The following HSF5 variants were observed in gnomAD, a reference collection of about 807,000 sequenced individuals.
The protein encoded by HSF5 is heat shock transcription factor 5.
Under a neutral mutation model 50.8 loss-of-function variants are expected in HSF5, and 5 were observed. That is an observed-to-expected ratio of 0.10 (90% confidence interval 0.05 to 0.21). HSF5 has a LOEUF of 0.21. HSF5 is among the 10% of genes least tolerant of loss of function. HSF5 has a pLI of 1.00. For missense variants in HSF5, 564 were observed against 762.6 expected (o/e 0.74, Z 3.07); for synonymous variants, 307 against 307.4 (o/e 1.00, Z 0.02).
chr17:58,445,816 A>T (rs112289852), intron 5 of HSF5, among the ~76,000 whole-genome samples: 1 of 152,156 alleles, frequency 6.6e-6, no homozygotes, highest in Non-Finnish European at 1.5e-5. Context: ...CAATGTGAAT[A>T]TACTACTGAA....
At chr17:58,464,982 C>T (rs1291326674) in intron 3 of HSF5, among the ~76,000 whole-genome samples, 2 of 149,498 alleles carry the variant, frequency 1.3e-5, no homozygotes, top group African/African-American at 4.9e-5. Context: ...GTTGCACAGG[C>T]TGGAATACAG....
intron 5 of HSF5, among the ~76,000 whole-genome samples, chr17:58,425,900 A>G (rs1402377558): frequency 6.6e-6 from 1 of 152,144 alleles, no homozygotes; most frequent in Non-Finnish European, 1.5e-5. Context: ...GGCCCCTCCC[A>G]CCCTCAGACA....
chr17:58,463,687 G>A (rs1974825748), intron 3 of HSF5, among the ~76,000 whole-genome samples: 1 of 152,212 alleles, frequency 6.6e-6, no homozygotes, highest in Non-Finnish European at 1.5e-5. Context: ...TTTCAGGAAT[G>A]CAGTAAGGAA....
intron 5 of HSF5, among the ~76,000 whole-genome samples, chr17:58,444,673 A>C (rs1974536291): frequency 6.6e-6 from 1 of 152,236 alleles, no homozygotes; most frequent in African/African-American, 2.4e-5. Context: ...TGGACTTGGC[A>C]ATGCTTTCCT....
At chr17:58,464,037 G>A (rs1280984606) in intron 3 of HSF5, among the ~76,000 whole-genome samples, 1 of 152,158 alleles carries the variant, frequency 6.6e-6, no homozygotes, top group East Asian at 1.9e-4. Context: ...TTCGCACAGA[G>A]TAGGCATTCA....
rs764413636 is a variant in HSF5 at position 58,479,936 on chromosome 17, G to T, written c.882C>A (p.Asn294Lys). The change falls in exon 2 of 6, where the codon AAC (asparagine) becomes AAA (lysine). Residue 294 changes from asparagine to lysine, a missense_variant. Transcript: ENST00000323777. ...GCGAGTACTGTGCTGAGGGTGTGTA[G>T]TTACTGTATTTTTGGGAGGAGCTGA... ...TMVSSSQKYS[N>K]YTPSAQYSQA... 3.1e-6 allele frequency: 5 copies of T among 1,613,996 alleles called. No homozygotes were observed. The East Asian group carries it at 1.1e-4, about 36-fold the overall frequency.
At chr17:58,426,003 T>A (rs983392443) in intron 5 of HSF5, among the ~76,000 whole-genome samples, 5 of 152,230 alleles carry the variant, frequency 3.3e-5, no homozygotes, top group Admixed American at 6.5e-5. Context: ...ATGATCATTT[T>A]CTAAACCTAT....
intron 5 of HSF5, 125 bp from the exon 6 acceptor site, chr17:58,422,555 C>A: frequency 1.6e-6 from 1 of 621,078 alleles, no homozygotes; most frequent in Non-Finnish European, 2.8e-6. Context: ...TTGTATAGTC[C>A]CATCAGATTC....
intron 5 of HSF5, among the ~76,000 whole-genome samples, chr17:58,436,992 A>T (rs1974436028): frequency 6.6e-6 from 1 of 152,180 alleles, no homozygotes. Context: ...CGGTATTCTA[A>T]ATATTTCTGT....
chr17:58,477,385 G>A (rs1037634506), intron 2 of HSF5, among the ~76,000 whole-genome samples: 5 of 151,800 alleles, frequency 3.3e-5, no homozygotes, highest in African/African-American at 9.7e-5. Flanking sequence ...CTCCCAAAGC[G>A]CTGGGATTAC....
At chr17:58,458,971 T>C in intron 4 of HSF5, 26 bp from the exon 5 acceptor site, 1 of 1,580,098 alleles carries the variant, frequency 6.3e-7, no homozygotes, top group East Asian at 2.2e-5. Flanking sequence ...CATTCATTAT[T>C]TGAGATTTCC....
intron 2 of HSF5, among the ~76,000 whole-genome samples, chr17:58,473,778 A>G (rs2531735): frequency 0.85 from 130,094 of 152,256 alleles, 55,963 homozygotes; most frequent in East Asian, 1. Context: ...GACTTTACTA[A>G]AGAAATTAAC....
chr17:58,478,467 CTCCA>C (rs1975051549), intron 2 of HSF5, among the ~76,000 whole-genome samples: 1 of 131,256 alleles, frequency 7.6e-6, no homozygotes, highest in Non-Finnish European at 1.6e-5. Context: ...CAGAGCGAGA[CTCCA>C]TCTCAAAAAA....
In HSF5 at chr17:58,420,417, T is replaced by C. The variant is rs1974214741; in HGVS notation, c.*1943A>G. Reference sequence around the variant, plus strand: ...AGCTCCTTGGTCTGCTGTATTCATATATAAAAATGTTTGGAAAGCTGATTA... The same window carrying C: ...AGCTCCTTGGTCTGCTGTATTCATACATAAAAATGTTTGGAAAGCTGATTA... On this transcript the variant is annotated 3_prime_UTR_variant, in exon 6 of 6. Coordinates refer to ENST00000323777, the MANE Select transcript of HSF5 (RefSeq NM_001080439.3). The C allele has an allele frequency of 1.3e-5, 2 of 152,218 alleles. No individual in the cohort carries two copies. 9.4% of individuals were successfully genotyped at this position (152,218 alleles called of 1,614,324 possible).
chr17:58,484,513 G>C (rs751031165), intron 1 of HSF5, among the ~76,000 whole-genome samples: 111 of 151,920 alleles, frequency 7.3e-4, no homozygotes, highest in Middle Eastern at 3.4e-3. Flanking sequence ...ATGTTTCTTT[G>C]TTTGAAGTGG....
chr17:58,478,191 T>G (rs1011934264), intron 2 of HSF5, among the ~76,000 whole-genome samples: 1 of 151,746 alleles, frequency 6.6e-6, no homozygotes, highest in African/African-American at 2.4e-5. Flanking sequence ...CCCAGCACTT[T>G]GGGAGGCCGA....
chr17:58,429,323 A>G (rs1370786437), intron 5 of HSF5, among the ~76,000 whole-genome samples: 1 of 152,204 alleles, frequency 6.6e-6, no homozygotes, highest in Non-Finnish European at 1.5e-5. Context: ...AACTAAATAG[A>G]GGTGGAGGTT....
At chr17:58,468,458 G>A (rs1974901514) in intron 2 of HSF5, among the ~76,000 whole-genome samples, 1 of 152,048 alleles carries the variant, frequency 6.6e-6, no homozygotes, top group Admixed American at 6.6e-5. Context: ...CCCTGTTCCT[G>A]AAATGTAACA....
At position 58,487,985 on chromosome 17, in the gene HSF5, G is replaced by T; in HGVS notation, c.290C>A (p.Pro97Gln). ...YGFRKVVLGG[P>Q]GGGKPAGNGP... ...ATTGCCTGCCGGTTTGCCGCCCCCC[G>T]GCCCGCCCAGCACCACCTTGCGGAA... Residue 97 changes from proline to glutamine, a missense_variant, in exon 1 of 6, where the codon CCG becomes CAG. Pro to Gln is a moderately conservative substitution (Grantham distance 76, BLOSUM62 -1). Around this residue, in one of 5 missense-constraint regions of HSF5, gnomAD observed 29 missense variants for 24.7 expected, o/e 1.18. Coordinates refer to ENST00000323777, the MANE Select transcript of HSF5 (RefSeq NM_001080439.3). 1 of 1,610,830 alleles carries T rather than the reference G, an allele frequency of 6.2e-7. No individual in the cohort carries two copies. Among genetic ancestry groups the T allele is most frequent in the South Asian group, 1.1e-5 (1 of 90,834 alleles).
Sources: allele counts gnomAD v4.1 joint callset (sites outside exome capture counted in the v4.1 genomes callset), GRCh38; gene constraint gnomAD v4.1.1; regional missense constraint gnomAD v4.1.1; transcripts MANE v1.5; gene names NCBI Gene and HGNC (gene_info 2026-07-23, HGNC 2026-07-21).